The following SGCD variants were observed in gnomAD, a reference collection of about 807,000 sequenced individuals.
SGCD encodes the protein delta-sarcoglycan.
Under a neutral mutation model 36.6 loss-of-function variants are expected in SGCD, and 18 were observed. The observed-to-expected ratio is 0.49, with a 90% CI of 0.34 to 0.73. The LOEUF is 0.73. Among genes scored for constraint, SGCD ranks in the 30% least tolerant of loss-of-function variants. The pLI, the probability that SGCD is intolerant of heterozygous loss-of-function variation, is 0.01. For missense variants in SGCD, 387 were observed against 346.7 expected, an observed-to-expected ratio of 1.12 and a Z score of -0.92; for synonymous variants, 133 against 130.6, an observed-to-expected ratio of 1.02 and a Z score of -0.12.
chr5:156,315,642 T>A (rs1043364843), intron 3 of SGCD, among the ~76,000 whole-genome samples: 2 of 151,972 alleles, frequency 1.3e-5, no homozygotes, highest in Non-Finnish European at 2.9e-5. Flanking sequence ...ATGCTGTTTT[T>A]AATAATGATC....
At chr5:156,005,083 G>A (rs1758730371) in intron 1 of SGCD, among the ~76,000 whole-genome samples, 1 of 152,170 alleles carries the variant, frequency 6.6e-6, no homozygotes, top group Admixed American at 6.5e-5. Flanking sequence ...TGGGCACAAA[G>A]CTTCAAAAGC....
chr5:156,567,493 G>A (rs1712101691), intron 4 of SGCD, among the ~76,000 whole-genome samples: 1 of 152,182 alleles, frequency 6.6e-6, no homozygotes, highest in Non-Finnish European at 1.5e-5. Context: ...CCAGCAGGCT[G>A]GAGGCCTTAG....
intron 1 of SGCD, among the ~76,000 whole-genome samples, chr5:155,872,070 G>A (rs1348169440): frequency 6.6e-6 from 1 of 152,114 alleles, no homozygotes; most frequent in Middle Eastern, 3.2e-3. Flanking sequence ...TGGATTCATG[G>A]CAGCTACTGA....
chr5:156,512,081 C>A (rs1756957266), intron 4 of SGCD, among the ~76,000 whole-genome samples: 1 of 150,286 alleles, frequency 6.7e-6, no homozygotes, highest in South Asian at 2.1e-4. Flanking sequence ...GTAATCCCAG[C>A]TATTCCGGAG....
At chr5:155,732,813 C>A in the SGCD span, among the ~76,000 whole-genome samples, 6 of 152,150 alleles carry the variant, frequency 3.9e-5, no homozygotes, top group Non-Finnish European at 8.8e-5. Flanking sequence ...CTCCCGGATT[C>A]CAACACTGGA....
chr5:156,272,496 T>C (rs1187628240), intron 3 of SGCD, among the ~76,000 whole-genome samples: 1 of 152,202 alleles, frequency 6.6e-6, no homozygotes, highest in Non-Finnish European at 1.5e-5. Context: ...TGTGCATATG[T>C]CTTTTTCATA....
At chr5:156,743,209 T>A (rs1281064346) in intron 7 of SGCD, among the ~76,000 whole-genome samples, 1 of 150,950 alleles carries the variant, frequency 6.6e-6, no homozygotes, top group Non-Finnish European at 1.5e-5. Flanking sequence ...CCTCCTGGGT[T>A]CAAGCGATTC....
intron 1 of SGCD, among the ~76,000 whole-genome samples, chr5:156,085,638 CATAAG>C (rs1761073766): frequency 1.3e-5 from 2 of 152,108 alleles, no homozygotes; most frequent in South Asian, 2.1e-4. Flanking sequence ...TACATGGACT[CATAAG>C]ATAAGTTGAA....
chr5:155,762,517 C>T, the SGCD span, among the ~76,000 whole-genome samples: 1 of 152,154 alleles, frequency 6.6e-6, no homozygotes, highest in Non-Finnish European at 1.5e-5. Context: ...TAGCTGTCAC[C>T]TATTTGGCAC....
intron 3 of SGCD, among the ~76,000 whole-genome samples, chr5:156,214,424 T>C (rs1317973767): frequency 6.6e-6 from 1 of 151,866 alleles, no homozygotes; most frequent in Non-Finnish European, 1.5e-5. Context: ...ACCTGTATGC[T>C]GAAAACAATG....
the SGCD span, among the ~76,000 whole-genome samples, chr5:155,764,672 G>A: frequency 9.3e-4 from 142 of 152,228 alleles, no homozygotes; most frequent in African/African-American, 3.2e-3. Flanking sequence ...ACCAACCTCC[G>A]CATCTGTAGG....
intron 1 of SGCD, among the ~76,000 whole-genome samples, chr5:156,041,699 G>A (rs535278505): frequency 2.2e-4 from 34 of 152,270 alleles, no homozygotes; most frequent in Admixed American, 3.9e-4. Context: ...CCTTTGAGAA[G>A]TGAGGCATGT....
intron 3 of SGCD, among the ~76,000 whole-genome samples, chr5:156,424,022 C>T (rs1389372235): frequency 1.3e-5 from 2 of 151,924 alleles, no homozygotes; most frequent in South Asian, 2.1e-4. Context: ...CTGTTCGTGG[C>T]ACATCACTAT....
intron 1 of SGCD, among the ~76,000 whole-genome samples, chr5:156,006,112 G>A (rs931268084): frequency 2.0e-5 from 3 of 152,098 alleles, no homozygotes; most frequent in African/African-American, 7.2e-5. Flanking sequence ...CCTCTAGTAC[G>A]GAGTAAACAT....
intron 3 of SGCD, among the ~76,000 whole-genome samples, chr5:156,261,890 A>T (rs1765876508): frequency 6.6e-6 from 1 of 152,242 alleles, no homozygotes; most frequent in Non-Finnish European, 1.5e-5. Context: ...ATTAAAATTT[A>T]AAAACAAAAG....
chr5:156,149,687 G>C (rs1158954061), intron 3 of SGCD, among the ~76,000 whole-genome samples: 1 of 152,054 alleles, frequency 6.6e-6, no homozygotes, highest in Non-Finnish European at 1.5e-5. Context: ...GCCAGGGGAG[G>C]TGGGGACCTT....
intron 1 of SGCD, among the ~76,000 whole-genome samples, chr5:156,093,253 C>CCCATA (rs572618073): frequency 2.0e-5 from 3 of 152,204 alleles, no homozygotes; most frequent in Non-Finnish European, 4.4e-5. Flanking sequence ...GGCTTTCCTG[C>CCCATA]CCATACCACA....
At chr5:156,673,036 T>C (rs1298116341) in intron 7 of SGCD, among the ~76,000 whole-genome samples, 2 of 152,332 alleles carry the variant, frequency 1.3e-5, no homozygotes, top group African/African-American at 4.8e-5. Context: ...CACGTCTTCA[T>C]TTTTGGATTC....
chr5:156,605,968 G>A (rs1761425932), intron 6 of SGCD, among the ~76,000 whole-genome samples: 2 of 152,110 alleles, frequency 1.3e-5, no homozygotes, highest in African/African-American at 2.4e-5. Flanking sequence ...TGAGTAGATT[G>A]CAAATATTTT....
Sources: gnomAD v4.1 joint callset for allele counts (sites outside exome capture counted in the v4.1 genomes callset) on GRCh38, gnomAD v4.1.1 for gene constraint, MANE v1.5 for transcripts, NCBI Gene and HGNC (gene_info 2026-07-23, HGNC 2026-07-21) for gene names.